CHL1: variants seen among roughly 807,000 people sequenced by gnomAD.
CHL1 encodes neural cell adhesion molecule L1-like protein.
A neutral mutation model predicts 141.9 loss-of-function variants in CHL1; 96 were observed. The observed-to-expected ratio is 0.68, with a 90% CI of 0.57 to 0.80. CHL1 has a LOEUF of 0.80. CHL1 is among the 30% of genes least tolerant of loss of function. The pLI, the probability that CHL1 is intolerant of heterozygous loss-of-function variation, is 0.00. For missense variants in CHL1, 1,820 were observed against 1,457.2 expected (o/e 1.25, Z -4.05); for synonymous variants, 613 against 502.2 (o/e 1.22, Z -2.95).
At chr3:375,657 A>G (rs1706222296) in intron 15 of CHL1, among the ~76,000 whole-genome samples, 1 of 152,080 alleles carries the variant, frequency 6.6e-6, no homozygotes, top group African/African-American at 2.4e-5. Context: ...CTTGATTAAT[A>G]TTATTAGTAA....
chr3:241,707 G>C (rs1383816527), intron 1 of CHL1, among the ~76,000 whole-genome samples: 1 of 151,546 alleles, frequency 6.6e-6, no homozygotes, highest in Non-Finnish European at 1.5e-5. Flanking sequence ...AACCAATAAG[G>C]ACCCAAATGT....
chr3:253,474 G>A (rs1011042035), intron 2 of CHL1, among the ~76,000 whole-genome samples: 1 of 152,170 alleles, frequency 6.6e-6, no homozygotes, highest in African/African-American at 2.4e-5. Context: ...GGTCCCTGTA[G>A]CTGGTTCCCT....
chr3:236,598 G>A (rs79482736), intron 1 of CHL1, among the ~76,000 whole-genome samples: 2 of 152,048 alleles, frequency 1.3e-5, no homozygotes. Context: ...TAATTCTATT[G>A]TGTACGATTT....
At chr3:271,246 C>A (rs1695610433) in intron 2 of CHL1, among the ~76,000 whole-genome samples, 1 of 152,114 alleles carries the variant, frequency 6.6e-6, no homozygotes. Flanking sequence ...TTTCTCTTAC[C>A]AAAATGAAAG....
intron 1 of CHL1, among the ~76,000 whole-genome samples, chr3:227,012 A>G (rs935290254): frequency 2.0e-5 from 3 of 152,208 alleles, no homozygotes; most frequent in Non-Finnish European, 2.9e-5. Context: ...CAGGTAAATA[A>G]TTTCACCAGG....
chr3:299,362 G>T (rs1418640671), intron 2 of CHL1, among the ~76,000 whole-genome samples: 1 of 152,156 alleles, frequency 6.6e-6, no homozygotes, highest in Non-Finnish European at 1.5e-5. Context: ...GATGGGCTAA[G>T]TTAGCAGCAT....
intron 1 of CHL1, among the ~76,000 whole-genome samples, chr3:236,182 C>T (rs1691962598): frequency 6.6e-6 from 1 of 152,106 alleles, no homozygotes; most frequent in Non-Finnish European, 1.5e-5. Flanking sequence ...AGCTGGTTTC[C>T]CAGGAGCTTT....
At chr3:323,098 G>C (rs1700726846) in intron 3 of CHL1, among the ~76,000 whole-genome samples, 1 of 151,842 alleles carries the variant, frequency 6.6e-6, no homozygotes, top group African/African-American at 2.4e-5. Flanking sequence ...TCCTGAGCTG[G>C]ACATCATCTT....
chr3:379,047 C>T (rs1706700295), intron 16 of CHL1, among the ~76,000 whole-genome samples: 1 of 152,136 alleles, frequency 6.6e-6, no homozygotes, highest in Non-Finnish European at 1.5e-5. Flanking sequence ...GCCTACCCTT[C>T]TTTATCATAT....
intron 15 of CHL1, among the ~76,000 whole-genome samples, chr3:366,456 G>A (rs1704896624): frequency 7.6e-6 from 1 of 130,946 alleles, no homozygotes; most frequent in Non-Finnish European, 1.7e-5. Flanking sequence ...GGGGGACAGA[G>A]AGAGACTCTG....
intron 2 of CHL1, among the ~76,000 whole-genome samples, chr3:272,023 A>G (rs1695675818): frequency 6.6e-6 from 1 of 152,252 alleles, no homozygotes; most frequent in Non-Finnish European, 1.5e-5. Flanking sequence ...TCTGCAATGT[A>G]GCATGATTTA....
intron 2 of CHL1, among the ~76,000 whole-genome samples, chr3:281,721 G>A (rs148562829): frequency 0.011 from 1,711 of 151,924 alleles, 26 homozygotes; most frequent in African/African-American, 0.039. Flanking sequence ...CACCATGACT[G>A]GCTAATTTTT....
chr3:405,814 A>G lies in CHL1; in HGVS notation c.*103A>G, dbSNP rs1709498529. The G allele has an allele frequency of 2.6e-6, 2 of 775,074 alleles. No individual in the cohort carries two copies. Among genetic ancestry groups the G allele is most frequent in the South Asian group, 3.5e-5 (2 of 57,676 alleles). The allele number at this position is 775,074 out of a possible 1,614,324, so 48.0% of individuals were successfully genotyped here. The stretch of plus-strand genomic sequence containing the variant: ...TATAGGAATAGAAACATGCTGGCCG[A>G]AGATTTCATCCAGAAGTCAACATCC... On this transcript the variant is annotated 3_prime_UTR_variant, in exon 28 of 28. Transcript: ENST00000256509.
At chr3:340,124 C>G (rs550262366) in intron 5 of CHL1, among the ~76,000 whole-genome samples, 1 of 152,260 alleles carries the variant, frequency 6.6e-6, no homozygotes, top group South Asian at 2.1e-4. Flanking sequence ...CTGCATTGCT[C>G]TTTTAAGAAA....
chr3:250,612 T>C (rs926223105), intron 2 of CHL1, among the ~76,000 whole-genome samples: 2 of 152,048 alleles, frequency 1.3e-5, no homozygotes, highest in Admixed American at 6.6e-5. Flanking sequence ...TTTAGGCCTA[T>C]AGTGGGGAGG....
chr3:281,218 T>C (rs547355821), intron 2 of CHL1, among the ~76,000 whole-genome samples: 1 of 152,314 alleles, frequency 6.6e-6, no homozygotes, highest in South Asian at 2.1e-4. Flanking sequence ...TTGCTTGAAG[T>C]AACTTAATCT....
chr3:285,341 C>T (rs546511307), intron 2 of CHL1, among the ~76,000 whole-genome samples: 143 of 152,268 alleles, frequency 9.4e-4, no homozygotes, highest in Non-Finnish European at 1.8e-3. Context: ...ACCATTTTCT[C>T]TATAAAATGC....
chr3:222,286 C>T (rs1013739820), intron 1 of CHL1, among the ~76,000 whole-genome samples: 9 of 152,050 alleles, frequency 5.9e-5, no homozygotes, highest in African/African-American at 2.2e-4. Flanking sequence ...TTTTTTTTAG[C>T]TTCTAGAGGC....
At chr3:314,224 A>T (rs1208888211) in intron 2 of CHL1, among the ~76,000 whole-genome samples, 1 of 151,034 alleles carries the variant, frequency 6.6e-6, no homozygotes, top group Non-Finnish European at 1.5e-5. Context: ...ATAAACATTA[A>T]AAATGTTTCC....
Sources: gnomAD v4.1 joint callset for allele counts (sites outside exome capture counted in the v4.1 genomes callset) on GRCh38, gnomAD v4.1.1 for gene constraint, MANE v1.5 for transcripts, NCBI Gene and HGNC (gene_info 2026-07-23, HGNC 2026-07-21) for gene names.